Variants in GPCPD1 observed in about 807,000 individuals in gnomAD.
GPCPD1 encodes glycerophosphocholine phosphodiesterase 1.
Under a neutral mutation model 89.2 loss-of-function variants are expected in GPCPD1, and 29 were observed. That is an observed-to-expected ratio of 0.33 (90% CI 0.24 to 0.44). The LOEUF is 0.44. Ranked by LOEUF, GPCPD1 falls within the 20% of genes least tolerant of loss-of-function variation. The pLI is 1.00. For missense variants in GPCPD1, 594 were observed against 808.9 expected (o/e 0.73, Z 3.22); for synonymous variants, 258 against 266.3 (o/e 0.97, Z 0.30).
Position 5,574,141 on chromosome 20 carries a change from A to G in GPCPD1, c.1002-172T>C, listed in dbSNP as rs966581967. 15 of 592,138 alleles carry G rather than the reference A, an allele frequency of 2.5e-5. No individual in the cohort carries two copies. In the African/African-American group the frequency reaches 2.8e-4, roughly 11 times the overall value. 36.7% of individuals were successfully genotyped at this position (592,138 alleles called of 1,614,324 possible). A position where few individuals can be genotyped will look rare whatever the true frequency, so the allele number is the denominator to read the frequency against. ...GGCTGTGACTAGGAATTTATTCCTT[A>G]AATGCAAGCTCTGACAATGATAGAT... On this transcript the variant is annotated intron_variant, in intron 10 of 19. Coordinates refer to ENST00000379019, the MANE Select transcript of GPCPD1 (RefSeq NM_019593.5).
intron 19 of GPCPD1, among the ~76,000 whole-genome samples, chr20:5,554,474 T>A (rs532913443): frequency 4.6e-5 from 7 of 152,276 alleles, no homozygotes; most frequent in African/African-American, 1.7e-4. Flanking sequence ...CTCTGGAAAT[T>A]GTAGGGCCCT....
chr20:5,592,993 G>T (rs1979438353), intron 4 of GPCPD1, among the ~76,000 whole-genome samples: 2 of 151,980 alleles, frequency 1.3e-5, no homozygotes, highest in Non-Finnish European at 2.9e-5. Context: ...ATCACATAAG[G>T]ATTAAAAAAC....
At chr20:5,604,245 T>C (rs1980387818) in intron 2 of GPCPD1, 119 bp downstream of exon 2, 1 of 648,816 alleles carries the variant, frequency 1.5e-6, no homozygotes, top group South Asian at 1.8e-5. Context: ...GCAAGACCTA[T>C]AGATATTTTC....
rs754620424 is a variant in GPCPD1, at chr20:5,554,062, C to T, written c.1829+3883G>A. Among the ~76,000 whole-genome samples the T allele has an allele frequency of 1.1e-3, 156 of 136,060 alleles. 21 individuals carry two copies. Among genetic ancestry groups the T allele is most frequent in the Non-Finnish European group, 2.1e-3 (134 of 63,798 alleles). The allele number at this position is 136,060 out of a possible 152,430, so 89.3% of individuals were successfully genotyped here. ...CTGCTCACTGCAAGCTCCGACTCCT[C>T]GGTTCAGGCCATTCTCCTGCCTCAG... On this transcript the variant is annotated intron_variant, in intron 19 of 19. Coordinates refer to ENST00000379019, the MANE Select transcript of GPCPD1 (RefSeq NM_019593.5).
chr20:5,575,629 CAA>C, intron 9 of GPCPD1, 84 bp from the exon 10 acceptor site: 2 of 968,916 alleles, frequency 2.1e-6, no homozygotes, highest in Non-Finnish European at 3.1e-6. Context: ...AAATACCACT[CAA>C]GTCAGCTTTA....
chr20:5,549,707 T>C (rs898014800), intron 19 of GPCPD1, among the ~76,000 whole-genome samples: 1 of 135,544 alleles, frequency 7.4e-6, no homozygotes, highest in African/African-American at 2.9e-5. Context: ...ATTGTGCCAC[T>C]GCACTCCAAC....
intron 1 of GPCPD1, among the ~76,000 whole-genome samples, chr20:5,606,946 G>A (rs933752211): frequency 6.6e-6 from 1 of 152,152 alleles, no homozygotes; most frequent in Non-Finnish European, 1.5e-5. Context: ...TTCCCTATTT[G>A]GCAACTCTAC....
intron 1 of GPCPD1, among the ~76,000 whole-genome samples, chr20:5,609,286 T>C (rs2122840554): frequency 6.6e-6 from 1 of 152,346 alleles, no homozygotes; most frequent in East Asian, 1.9e-4. Context: ...TAACTTTCCC[T>C]GAGTTAATTT....
intron 4 of GPCPD1, among the ~76,000 whole-genome samples, chr20:5,588,239 T>C (rs889525033): frequency 1.3e-5 from 2 of 152,090 alleles, no homozygotes; most frequent in Non-Finnish European, 2.9e-5. Flanking sequence ...GCATGGTGGC[T>C]CATGCCTATA....
chr20:5,552,260 T>C (rs1407859100), intron 19 of GPCPD1, among the ~76,000 whole-genome samples: 2 of 152,118 alleles, frequency 1.3e-5, no homozygotes, highest in East Asian at 3.8e-4. Flanking sequence ...CCTGGCCACC[T>C]CCCTGAAACC....
chr20:5,573,719 AG>A (rs1986850666), intron 11 of GPCPD1, among the ~76,000 whole-genome samples, 195 bp downstream of exon 11: 2 of 152,318 alleles, frequency 1.3e-5, no homozygotes, highest in Admixed American at 1.3e-4. Flanking sequence ...TTCCAGGCCC[AG>A]GTGACAGAAC....
chr20:5,607,504 G>A (rs1257555071), intron 1 of GPCPD1, among the ~76,000 whole-genome samples: 5 of 152,026 alleles, frequency 3.3e-5, no homozygotes, highest in Admixed American at 3.3e-4. Flanking sequence ...CTTGAACCCA[G>A]GAGGTGGAGG....
At chr20:5,571,387 A>G (rs1986704181) in intron 11 of GPCPD1, among the ~76,000 whole-genome samples, 1 of 152,244 alleles carries the variant, frequency 6.6e-6, no homozygotes, top group African/African-American at 2.4e-5. Context: ...TCCTTATAGA[A>G]AATAATTTTA....
chr20:5,552,173 A>T (rs887868177), intron 19 of GPCPD1, among the ~76,000 whole-genome samples: 4 of 110,248 alleles, frequency 3.6e-5, no homozygotes, highest in Non-Finnish European at 8.7e-5. Context: ...AATAAAATTA[A>T]AAAAAAATGT....
chr20:5,553,765 C>G (rs765308548), intron 19 of GPCPD1, among the ~76,000 whole-genome samples: 2 of 152,164 alleles, frequency 1.3e-5, no homozygotes, highest in Non-Finnish European at 2.9e-5. Context: ...TCAGTTCTAT[C>G]AAGGCTGAGA....
intron 14 of GPCPD1, among the ~76,000 whole-genome samples, chr20:5,566,429 T>C (rs932960682): frequency 6.6e-6 from 1 of 152,244 alleles, no homozygotes; most frequent in African/African-American, 2.4e-5. Flanking sequence ...ATTGACCCTG[T>C]AGCCGGATTC....
chr20:5,554,750 T>C (rs1985654199), intron 19 of GPCPD1, among the ~76,000 whole-genome samples: 2 of 152,370 alleles, frequency 1.3e-5, no homozygotes, highest in Middle Eastern at 3.4e-3. Context: ...TCAAGTCTTA[T>C]TACCTTAGAA....
At chr20:5,602,844 G>A (rs1369537495) in intron 2 of GPCPD1, among the ~76,000 whole-genome samples, 1 of 152,078 alleles carries the variant, frequency 6.6e-6, no homozygotes, top group Non-Finnish European at 1.5e-5. Context: ...TTAGCCAGGT[G>A]TGGTGTCAGG....
chr20:5,591,145 A>G (rs1489534793), intron 4 of GPCPD1, among the ~76,000 whole-genome samples: 1 of 152,210 alleles, frequency 6.6e-6, no homozygotes. Context: ...TTTGTGTGCT[A>G]TGTTCAAATA....
Sources: gnomAD v4.1 joint callset for allele counts (sites outside exome capture counted in the v4.1 genomes callset) on GRCh38, gnomAD v4.1.1 for gene constraint, MANE v1.5 for transcripts, NCBI Gene and HGNC (gene_info 2026-07-23, HGNC 2026-07-21) for gene names.